PHF24: variants seen among roughly 807,000 people sequenced by gnomAD.
PHF24 encodes Galpha inhibitory interacting protein.
A neutral mutation model predicts 42.6 loss-of-function variants in PHF24; 25 were observed. That is an observed-to-expected ratio of 0.59 (90% CI 0.43 to 0.82). PHF24 has a LOEUF of 0.82. PHF24 is among the 40% of genes least tolerant of loss of function. The pLI is 0.00. For synonymous variants in PHF24, 185 were observed against 204.8 expected, an observed-to-expected ratio of 0.90 and a Z score of 0.83; for missense variants, 470 against 538.1, an observed-to-expected ratio of 0.87 and a Z score of 1.25.
At chr9:34,682,150 A>ATTTTTTT in the PHF24 span, among the ~76,000 whole-genome samples, 31 of 93,094 alleles carry the variant, frequency 3.3e-4, no homozygotes, top group East Asian at 2.1e-3. Context: ...AATTATTTCT[A>ATTTTTTT]TTTTTTTTTT....
chr9:34,783,061 A>G, the PHF24 span, among the ~76,000 whole-genome samples: 1,782 of 152,160 alleles, frequency 0.012, 27 homozygotes, highest in African/African-American at 0.04. Flanking sequence ...AGAATTCCCA[A>G]TTGATCCTCA....
Position 34,966,037 on chromosome 9 carries a change from G to A in PHF24, c.-4-5258G>A, listed in dbSNP as rs1286275274. 3.3e-5 allele frequency among the ~76,000 whole-genome samples: 5 copies of A among 152,172 alleles called. No homozygotes were observed. The South Asian group carries it at 8.3e-4, about 25-fold the overall frequency. On this transcript the variant is annotated intron_variant, in intron 1 of 7. Coordinates refer to ENST00000242315, the Ensembl canonical transcript of PHF24. ...GAGGCTGCCTCCAACTATTTGGAGA[G>A]TTAGTACCTTCCGTATAGCCCTAAG... is the stretch of plus-strand genomic sequence containing the variant.
At chr9:34,950,047 G>A in the PHF24 span, among the ~76,000 whole-genome samples, 11 of 151,338 alleles carry the variant, frequency 7.3e-5, no homozygotes, top group African/African-American at 2.7e-4. Flanking sequence ...AGCCAGTTAT[G>A]GTTAAAAATA....
chr9:34,742,341 A>G, the PHF24 span, among the ~76,000 whole-genome samples: 1 of 152,166 alleles, frequency 6.6e-6, no homozygotes, highest in South Asian at 2.1e-4. Flanking sequence ...GGGCTGTGGG[A>G]TAGCATGGGG....
chr9:34,673,644 C>T, the PHF24 span, among the ~76,000 whole-genome samples: 66,030 of 146,620 alleles, frequency 0.45, 16,346 homozygotes, highest in East Asian at 0.8. Flanking sequence ...TTTTTTGAGA[C>T]GGAGTCTCGC....
At chr9:34,833,837 G>C in the PHF24 span, 1 of 1,551,500 alleles carries the variant, frequency 6.4e-7, no homozygotes, top group Non-Finnish European at 8.7e-7. Flanking sequence ...CAGAGGCTCT[G>C]CTGGGATTTC....
the PHF24 span, chr9:34,922,230 T>C: frequency 6.3e-7 from 1 of 1,592,280 alleles, no homozygotes; most frequent in African/African-American, 1.3e-5. Context: ...TCCTCGGGTA[T>C]CCGATGTCCA....
the PHF24 span, among the ~76,000 whole-genome samples, chr9:34,950,938 A>C: frequency 6.6e-6 from 1 of 152,252 alleles, no homozygotes; most frequent in Non-Finnish European, 1.5e-5. Flanking sequence ...CAGACTAAGA[A>C]AAAAAGAAAA....
At chr9:34,913,486 A>C in the PHF24 span, among the ~76,000 whole-genome samples, 1 of 152,250 alleles carries the variant, frequency 6.6e-6, no homozygotes, top group Non-Finnish European at 1.5e-5. Flanking sequence ...AGAACTCTGC[A>C]AAATCTTTAT....
upstream of PHF24, among the ~76,000 whole-genome samples, chr9:34,954,980 T>C (rs1826336210): frequency 6.6e-6 from 1 of 152,376 alleles, no homozygotes; most frequent in Admixed American, 6.5e-5. Context: ...ACATATTAGT[T>C]GAGCATACAA....
chr9:34,918,361 C>T, the PHF24 span: 2 of 721,058 alleles, frequency 2.8e-6, no homozygotes, highest in Non-Finnish European at 5.1e-6. Flanking sequence ...TCTTCCCCCT[C>T]TCCCAGTTGT....
the PHF24 span, among the ~76,000 whole-genome samples, chr9:34,677,941 A>G: frequency 6.6e-6 from 1 of 152,016 alleles, no homozygotes; most frequent in Non-Finnish European, 1.5e-5. Context: ...CTGAGTGTCA[A>G]TTTGATTGGA....
chr9:34,707,975 C>T, the PHF24 span, among the ~76,000 whole-genome samples: 1 of 152,184 alleles, frequency 6.6e-6, no homozygotes. Flanking sequence ...CATGATCCGC[C>T]TGCCTTGGCC....
At chr9:34,670,969 T>TC in the PHF24 span, among the ~76,000 whole-genome samples, 1 of 152,152 alleles carries the variant, frequency 6.6e-6, no homozygotes, top group Non-Finnish European at 1.5e-5. Context: ...GATCCATTCC[T>TC]CCCTTGGAAA....
At chr9:34,800,626 C>T in the PHF24 span, among the ~76,000 whole-genome samples, 29 of 152,030 alleles carry the variant, frequency 1.9e-4, no homozygotes, top group South Asian at 4.4e-3. Context: ...TGCAGAAAAC[C>T]GAAACTGGAC....
chr9:34,717,994 C>T, the PHF24 span, among the ~76,000 whole-genome samples: 1 of 152,156 alleles, frequency 6.6e-6, no homozygotes, highest in Admixed American at 6.5e-5. Flanking sequence ...GTGTCTTTGA[C>T]TGTGTGTATT....
At chr9:34,900,294 A>G in the PHF24 span, among the ~76,000 whole-genome samples, 3 of 152,212 alleles carry the variant, frequency 2.0e-5, no homozygotes, top group Non-Finnish European at 1.5e-5. Flanking sequence ...AAAGACATTT[A>G]AAGGACAATC....
the PHF24 span, among the ~76,000 whole-genome samples, chr9:34,781,392 A>T: frequency 7.9e-5 from 12 of 152,368 alleles, no homozygotes; most frequent in African/African-American, 2.9e-4. Context: ...GGGACCTGTA[A>T]TAGGCAAATT....
At chr9:34,702,483 C>A in the PHF24 span, among the ~76,000 whole-genome samples, 1 of 152,202 alleles carries the variant, frequency 6.6e-6, no homozygotes. Context: ...GCAAAAGTCT[C>A]AAAGAATATG....
Sources: allele counts gnomAD v4.1 joint callset (sites outside exome capture counted in the v4.1 genomes callset), GRCh38; gene constraint gnomAD v4.1.1; transcripts MANE v1.5; gene names NCBI Gene and HGNC (gene_info 2026-07-23, HGNC 2026-07-21).